Variants in GUCY1A2 observed in about 807,000 individuals in gnomAD.
GUCY1A2 encodes guanylate cyclase 1 soluble subunit alpha 2, also known as guanylate cyclase soluble subunit alpha-2.
GUCY1A2 carries 27 observed loss-of-function variants against 63.5 expected under a neutral mutation model. That is an observed-to-expected ratio of 0.43 (90% confidence interval 0.31 to 0.59). The LOEUF is 0.59. GUCY1A2 is among the 20% of genes least tolerant of loss of function. GUCY1A2 has a pLI of 0.11. For missense variants in GUCY1A2, 768 were observed against 913.3 expected (o/e 0.84, Z 2.05); for synonymous variants, 364 against 343.5 (o/e 1.06, Z -0.66).
intron 4 of GUCY1A2, among the ~76,000 whole-genome samples, chr11:106,857,153 G>A (rs987467264): frequency 1.3e-5 from 2 of 152,244 alleles, no homozygotes; most frequent in Admixed American, 6.5e-5. Context: ...ACCACAAACT[G>A]TATGGCTTAA....
At chr11:106,809,911 G>T (rs1858741443) in intron 5 of GUCY1A2, 82 bp downstream of exon 5, 1 of 901,120 alleles carries the variant, frequency 1.1e-6, no homozygotes, top group Non-Finnish European at 1.7e-6. Context: ...TTAGTATCAA[G>T]TTTAAGTAAA....
At chr11:106,843,418 A>G (rs1302155088) in intron 4 of GUCY1A2, among the ~76,000 whole-genome samples, 1 of 151,802 alleles carries the variant, frequency 6.6e-6, no homozygotes, top group Non-Finnish European at 1.5e-5. Flanking sequence ...AAATAAAAAA[A>G]ATTAAAAAGT....
At chr11:106,747,334 A>C (rs1231530696) in intron 6 of GUCY1A2, among the ~76,000 whole-genome samples, 2 of 152,142 alleles carry the variant, frequency 1.3e-5, no homozygotes, top group African/African-American at 2.4e-5. Context: ...AAGTTAAATA[A>C]ATTTTTTAAC....
intron 1 of GUCY1A2, among the ~76,000 whole-genome samples, chr11:107,000,935 G>C (rs1281602603): frequency 6.6e-6 from 1 of 152,180 alleles, no homozygotes; most frequent in Non-Finnish European, 1.5e-5. Flanking sequence ...CATGCACTGA[G>C]AGAATTTGGT....
chr11:106,969,579 AC>A (rs1288449258), intron 3 of GUCY1A2, among the ~76,000 whole-genome samples: 1 of 152,122 alleles, frequency 6.6e-6, no homozygotes, highest in Non-Finnish European at 1.5e-5. Context: ...ACAAAAAAAA[AC>A]AGTATTTCAA....
intron 4 of GUCY1A2, among the ~76,000 whole-genome samples, chr11:106,872,896 C>T (rs1169106034): frequency 7.3e-5 from 11 of 151,248 alleles, no homozygotes; most frequent in Non-Finnish European, 8.9e-5. Context: ...ACCCATTGAC[C>T]CGTCCTCTGA....
At chr11:106,953,698 G>C (rs1268383461) in intron 3 of GUCY1A2, among the ~76,000 whole-genome samples, 1 of 151,856 alleles carries the variant, frequency 6.6e-6, no homozygotes, top group Non-Finnish European at 1.5e-5. Context: ...CTCAATTTTA[G>C]AGCTTGTTAT....
intron 7 of GUCY1A2, among the ~76,000 whole-genome samples, chr11:106,694,933 C>T (rs1166178349): frequency 2.0e-5 from 3 of 152,102 alleles, no homozygotes; most frequent in Non-Finnish European, 4.4e-5. Context: ...TACCCTTGTA[C>T]TTTTTCTGGA....
intron 6 of GUCY1A2, among the ~76,000 whole-genome samples, chr11:106,713,802 A>G (rs1226102442): frequency 2.6e-5 from 4 of 151,874 alleles, no homozygotes; most frequent in Non-Finnish European, 2.9e-5. Flanking sequence ...CACCGCGCCC[A>G]GCCCAACATT....
rs928512674 is a variant in GUCY1A2, at chr11:106,939,354, T to A, written c.1206+106A>T. Reference sequence around the variant, plus strand: ...ACCAGTAATCTTCTAAATGGCACTTTAAGCTCTCTTGCCTAAATAATTACA... The same window carrying A: ...ACCAGTAATCTTCTAAATGGCACTTAAAGCTCTCTTGCCTAAATAATTACA... On this transcript the variant is annotated intron_variant, in intron 4 of 7. Coordinates refer to ENST00000526355, the MANE Select transcript of GUCY1A2 (RefSeq NM_000855.3). 3 of 686,282 alleles carry A rather than the reference T, an allele frequency of 4.4e-6. No individual in the cohort carries two copies. The South Asian group carries it at 6.3e-5, about 14-fold the overall frequency. 42.5% of individuals were successfully genotyped at this position (686,282 alleles called of 1,614,324 possible).
Position 107,017,909 on chromosome 11 carries a change from G to A in GUCY1A2, c.147C>T (p.Ser49=), listed in dbSNP as rs775909932. 2 of 1,272,804 alleles carry A rather than the reference G, an allele frequency of 1.6e-6. No homozygotes were observed. Among genetic ancestry groups the A allele is most frequent in the Non-Finnish European group, 2.0e-6 (2 of 1,006,814 alleles). The allele number at this position is 1,272,804 out of a possible 1,614,324, so 78.8% of individuals were successfully genotyped here. ...CGGCGGCAGCGGCAGCTGCGGCCGG[G>A]CTGGGCTCCAGCGGCCCGGGCGGGC... is the stretch of plus-strand genomic sequence containing the variant. The part of the protein sequence containing the change: ...SRSPPGPLEP[S]PAAAAAAAAP... The change falls in exon 1 of 8, where the codon AGC becomes AGT. Residue 49 remains serine (S), a synonymous_variant. Coordinates refer to ENST00000526355, the MANE Select transcript of GUCY1A2 (RefSeq NM_000855.3).
At chr11:106,995,662 T>C (rs1170631563) in intron 1 of GUCY1A2, among the ~76,000 whole-genome samples, 3 of 152,208 alleles carry the variant, frequency 2.0e-5, no homozygotes, top group Non-Finnish European at 2.9e-5. Flanking sequence ...AAATATGTGT[T>C]ATGTGATGAT....
chr11:106,818,700 G>A (rs984814755), intron 4 of GUCY1A2, among the ~76,000 whole-genome samples: 2 of 152,092 alleles, frequency 1.3e-5, no homozygotes, highest in African/African-American at 4.8e-5. Context: ...AGTGAGCCAA[G>A]TTGCGAATGA....
intron 6 of GUCY1A2, among the ~76,000 whole-genome samples, chr11:106,709,416 A>T (rs1164582258): frequency 1.1e-5 from 1 of 92,276 alleles, no homozygotes; most frequent in Non-Finnish European, 1.9e-5. Flanking sequence ...TATACTATGT[A>T]TATATTATAT....
At chr11:106,728,777 A>G (rs916103795) in intron 6 of GUCY1A2, among the ~76,000 whole-genome samples, 1 of 152,190 alleles carries the variant, frequency 6.6e-6, no homozygotes, top group Non-Finnish European at 1.5e-5. Context: ...ATCTAAATCT[A>G]CACTCTGAGA....
At position 106,711,742 on chromosome 11, in the gene GUCY1A2, C is replaced by T. The variant is rs1344459917; in HGVS notation, c.1837-3076G>A. ...ACTGTAGGCCCACTGATAATAAATT[C>T]CCGCTGCTTTTTTATGTTTAAAAGT... On this transcript the variant is annotated intron_variant, in intron 6 of 7. Coordinates refer to ENST00000526355, the MANE Select transcript of GUCY1A2 (RefSeq NM_000855.3). 3.3e-5 allele frequency among the ~76,000 whole-genome samples: 5 copies of T among 151,952 alleles called. No homozygotes were observed. In the East Asian group the frequency reaches 9.7e-4, roughly 29 times the overall value.
chr11:106,737,400 T>G (rs757539940), intron 6 of GUCY1A2, among the ~76,000 whole-genome samples: 2 of 152,184 alleles, frequency 1.3e-5, no homozygotes, highest in Non-Finnish European at 2.9e-5. Flanking sequence ...CCATCTCTTT[T>G]TCTTTTTTTA....
intron 1 of GUCY1A2, among the ~76,000 whole-genome samples, chr11:106,998,581 T>G (rs1437692001): frequency 6.6e-6 from 1 of 152,216 alleles, no homozygotes; most frequent in Non-Finnish European, 1.5e-5. Flanking sequence ...ACATTTTAAC[T>G]TCCTTGCATG....
intron 1 of GUCY1A2, among the ~76,000 whole-genome samples, chr11:107,014,707 A>T (rs1160487888): frequency 6.6e-6 from 1 of 152,176 alleles, no homozygotes; most frequent in African/African-American, 2.4e-5. Flanking sequence ...TCTATTTGCA[A>T]ATCATTCTGA....
Sources: gnomAD v4.1 joint callset for allele counts (sites outside exome capture counted in the v4.1 genomes callset) on GRCh38, gnomAD v4.1.1 for gene constraint, MANE v1.5 for transcripts, NCBI Gene and HGNC (gene_info 2026-07-23, HGNC 2026-07-21) for gene names.